Variants in ERCC6L2 observed in about 807,000 individuals in gnomAD.
The protein encoded by ERCC6L2 is ERCC excision repair 6 like 2, also known as DNA excision repair protein ERCC-6-like 2.
A neutral mutation model predicts 132.0 loss-of-function variants in ERCC6L2; 77 were observed. That is an observed-to-expected ratio of 0.58 (90% confidence interval 0.49 to 0.71). The LOEUF is 0.71. Ranked by LOEUF, ERCC6L2 falls within the 30% of genes least tolerant of loss-of-function variation. ERCC6L2 has a pLI of 0.00. For missense variants in ERCC6L2, 1,542 were observed against 1,837.6 expected, an observed-to-expected ratio of 0.84 and a Z score of 2.94; for synonymous variants, 583 against 632.4, an observed-to-expected ratio of 0.92 and a Z score of 1.17.
At chr9:95,886,581 A>G (rs769718658) in intron 2 of ERCC6L2, among the ~76,000 whole-genome samples, 7 of 152,084 alleles carry the variant, frequency 4.6e-5, no homozygotes, top group African/African-American at 1.2e-4. Context: ...CTTTTACTCA[A>G]CTTTTAACCA....
At position 95,923,204 on chromosome 9, in the gene ERCC6L2, T is replaced by TA. The variant is rs1203091225; in HGVS notation, c.1414-55dup. On this transcript the variant is annotated intron_variant, in intron 8 of 18. Transcript: ENST00000653738. ...TTTTTTCATAAATTATTTCAATTTA[T>TA]ACAGGTTTGAATGTGTTAAGTGGAA... 10 of 1,551,036 alleles carry TA rather than the reference T, an allele frequency of 6.4e-6. 1 individual carries two copies. The highest frequency in any genetic ancestry group is 2.5e-5 in the South Asian group (2 of 80,220).
At chr9:95,954,244 A>G (rs1056144271) in intron 12 of ERCC6L2, among the ~76,000 whole-genome samples, 3 of 152,238 alleles carry the variant, frequency 2.0e-5, no homozygotes, top group Non-Finnish European at 2.9e-5. Flanking sequence ...AAATTGGTCA[A>G]AATGAAAACC....
intron 11 of ERCC6L2, among the ~76,000 whole-genome samples, chr9:95,930,114 G>C (rs550238779): frequency 1.3e-5 from 2 of 151,950 alleles, no homozygotes; most frequent in East Asian, 3.9e-4. Flanking sequence ...GTTTCCTCTG[G>C]CTCTTGCTTA....
intron 11 of ERCC6L2, among the ~76,000 whole-genome samples, chr9:95,933,698 G>A (rs1386638222): frequency 1.3e-5 from 2 of 151,944 alleles, no homozygotes; most frequent in East Asian, 3.9e-4. Flanking sequence ...TACAGAATTA[G>A]CCAGGTGCAG....
intron 3 of ERCC6L2, among the ~76,000 whole-genome samples, chr9:95,904,538 A>G: frequency 6.6e-6 from 1 of 152,148 alleles, no homozygotes; most frequent in East Asian, 1.9e-4. Flanking sequence ...TTGCTACTTA[A>G]TAGCAGTATG....
intron 6 of ERCC6L2, among the ~76,000 whole-genome samples, chr9:95,919,748 G>A (rs72758442): frequency 5.4e-4 from 82 of 152,328 alleles, no homozygotes; most frequent in African/African-American, 1.9e-3. Flanking sequence ...AGATGTGCAT[G>A]ACTTCACAGG....
Position 96,003,035 on chromosome 9 carries a change from A to G in ERCC6L2, c.3493-1485A>G, listed in dbSNP as rs147305129. 1.1e-4 allele frequency among the ~76,000 whole-genome samples: 16 copies of G among 152,106 alleles called. No individual in the cohort carries two copies. In the East Asian group the frequency reaches 1.2e-3, roughly 11 times the overall value. On this transcript the variant is annotated intron_variant, in intron 17 of 18. Transcript: ENST00000653738. Reference sequence around the variant, plus strand: ...GTAATTTTATCCTTCCAGTTTATCAACTGCAGTGAGCTGTGATCATGCCAC... The same window carrying G: ...GTAATTTTATCCTTCCAGTTTATCAGCTGCAGTGAGCTGTGATCATGCCAC...
chr9:96,039,308 G>A (rs930100949), intron 20 of ERCC6L2, among the ~76,000 whole-genome samples: 30 of 152,340 alleles, frequency 2.0e-4, no homozygotes, highest in African/African-American at 7.2e-4. Context: ...ATGTGGTGGA[G>A]TGATTAGTGG....
chr9:96,036,031 T>C (rs937105358), intron 19 of ERCC6L2, among the ~76,000 whole-genome samples: 6 of 152,228 alleles, frequency 3.9e-5, no homozygotes, highest in African/African-American at 1.4e-4. Context: ...AGTCCCATTT[T>C]TCTTCAAAAA....
rs564695724 is a variant in ERCC6L2, at chr9:96,017,101, C to G, written c.*3898C>G. On this transcript the variant is annotated 3_prime_UTR_variant, in exon 19 of 19. Coordinates refer to ENST00000653738, the MANE Select transcript of ERCC6L2 (RefSeq NM_020207.7). ...TTGCCTGCTGCTCATTCCATCATCA[C>G]GGATACAGACTTGTTTCTGGTTTCA... is the stretch of plus-strand genomic sequence containing the variant. Among the ~76,000 whole-genome samples, 1 of 152,138 alleles carries G rather than the reference C, an allele frequency of 6.6e-6. No homozygotes were observed. Among genetic ancestry groups the G allele is most frequent in the Non-Finnish European group, 1.5e-5 (1 of 68,030 alleles).
chr9:95,954,929 G>T (rs1831523722), intron 12 of ERCC6L2: 1 of 468,366 alleles, frequency 2.1e-6, no homozygotes, highest in Non-Finnish European at 4.4e-6. Context: ...ACAGGTAAAG[G>T]AGGCAGAGAG....
chr9:96,017,972 G>C lies in ERCC6L2; in HGVS notation c.*4769G>C, dbSNP rs774554536. Among the ~76,000 whole-genome samples the C allele has an allele frequency of 1.3e-5, 2 of 152,178 alleles. No individual in the cohort carries two copies. The highest frequency in any genetic ancestry group is 2.9e-5 in the Non-Finnish European group (2 of 68,022). ...GAATCTTGAGGACGGTATGCAAAGT[G>C]AAATAAATCAGACACAGAAGGACAA... On this transcript the variant is annotated 3_prime_UTR_variant, in exon 19 of 19. Transcript: ENST00000653738.
chr9:95,976,142 T>C (rs2133098901), intron 16 of ERCC6L2, among the ~76,000 whole-genome samples: 1 of 152,332 alleles, frequency 6.6e-6, no homozygotes, highest in Admixed American at 6.5e-5. Flanking sequence ...AAATCTTTTC[T>C]CACCTCACAG....
At chr9:95,946,669 TCA>T (rs1247551991) in intron 12 of ERCC6L2, among the ~76,000 whole-genome samples, 1 of 152,252 alleles carries the variant, frequency 6.6e-6, no homozygotes, top group Non-Finnish European at 1.5e-5. Context: ...TTATTGTGCT[TCA>T]CAGATAATTG....
At chr9:96,038,967 A>G (rs987836968) in exon 20 of ERCC6L2, 3 of 456,230 alleles carry the variant, frequency 6.6e-6, no homozygotes, top group South Asian at 4.6e-5. Flanking sequence ...CCCACATGGG[A>G]AGGGACAGAG....
intron 12 of ERCC6L2, among the ~76,000 whole-genome samples, chr9:95,946,187 C>T (rs751972291): frequency 2.0e-5 from 3 of 152,058 alleles, no homozygotes; most frequent in Non-Finnish European, 4.4e-5. Context: ...TGATGAGAAA[C>T]AGACAAATCC....
At chr9:95,884,433 A>G (rs1490408725) in intron 2 of ERCC6L2, among the ~76,000 whole-genome samples, 1 of 152,040 alleles carries the variant, frequency 6.6e-6, no homozygotes, top group African/African-American at 2.4e-5. Flanking sequence ...TTAATTGATA[A>G]TGAAAATAGA....
intron 4 of ERCC6L2, among the ~76,000 whole-genome samples, chr9:95,915,171 C>T (rs1008788003): frequency 2.0e-5 from 3 of 152,158 alleles, no homozygotes; most frequent in African/African-American, 7.2e-5. Flanking sequence ...TCCATTCTTC[C>T]GTGAGGCTCT....
At chr9:95,993,139 T>C (rs73656592) in intron 17 of ERCC6L2, among the ~76,000 whole-genome samples, 4,810 of 152,106 alleles carry the variant, frequency 0.032, 273 homozygotes, top group African/African-American at 0.11. Context: ...AAATCTCCCT[T>C]CTCCTAGATC....
Sources: allele counts gnomAD v4.1 joint callset (sites outside exome capture counted in the v4.1 genomes callset), GRCh38; gene constraint gnomAD v4.1.1; transcripts MANE v1.5; gene names NCBI Gene and HGNC (gene_info 2026-07-23, HGNC 2026-07-21).